Variants in IRF1 observed in about 807,000 individuals in gnomAD.
IRF1 encodes the protein interferon regulatory factor 1, also known as interferon regulatory factor-1.
IRF1 carries 13 observed loss-of-function variants against 43.7 expected under a neutral mutation model. The ratio of observed to expected loss-of-function variants is 0.30; its 90% CI spans 0.19 to 0.47. The LOEUF is 0.47. Ranked by LOEUF, IRF1 falls within the 20% of genes least tolerant of loss-of-function variation. The probability of loss-of-function intolerance (pLI) is 0.99; values close to 1 mark genes in which losing one functional copy is unlikely to be tolerated. For missense variants in IRF1, 236 were observed against 408.9 expected, an observed-to-expected ratio of 0.58 and a Z score of 3.65; for synonymous variants, 138 against 146.8, an observed-to-expected ratio of 0.94 and a Z score of 0.43.
At chr5:132,485,794 T>C in intron 7 of IRF1, 78 bp from the exon 8 acceptor site, 2 of 1,069,352 alleles carry the variant, frequency 1.9e-6, no homozygotes, top group Non-Finnish European at 1.5e-6. Context: ...GCCCACCAGA[T>C]CCCCCTGCCC....
chr5:132,484,382 G>A lies in IRF1; in HGVS notation c.833C>T (p.Pro278Leu). Residue 278 changes from proline (P) to leucine (L), a missense_variant, in exon 9 of 10, where the codon CCA becomes CTA. Coordinates refer to ENST00000245414, the MANE Select transcript of IRF1 (RefSeq NM_002198.3). ...VYGDFSCKEE[P>L]EIDSPGGDIG... The stretch of plus-strand genomic sequence containing the variant: ...CTTACCCCCTGGGCTGTCAATTTCT[G>A]GCTCCTCCTTACAGCTAAAGTCTCC... 1.9e-6 allele frequency: 3 copies of A among 1,614,056 alleles called. No individual in the cohort carries two copies. Among genetic ancestry groups the A allele is most frequent in the Non-Finnish European group, 2.5e-6 (3 of 1,179,988 alleles).
At chr5:132,486,394 C>A (rs1754528176) in intron 6 of IRF1, 21 bp from the exon 7 acceptor site, 1 of 1,610,440 alleles carries the variant, frequency 6.2e-7, no homozygotes, top group Non-Finnish European at 8.5e-7. Flanking sequence ...GCAGAAGCCA[C>A]AGGTCAAGGT....
At chr5:132,485,750 A>C (rs1468725329) in intron 7 of IRF1, 34 bp from the exon 8 acceptor site, 2 of 1,576,476 alleles carry the variant, frequency 1.3e-6, no homozygotes, top group Non-Finnish European at 8.7e-7. Context: ...GTTGGCTGGC[A>C]GTCAGCCACA....
At position 132,486,231 on chromosome 5, in the gene IRF1, C is replaced by G; in HGVS notation, c.667+20G>C. 1.2e-6 allele frequency: 2 copies of G among 1,612,150 alleles called. No individual in the cohort carries two copies. The highest frequency in any genetic ancestry group is 1.7e-6 in the Non-Finnish European group (2 of 1,179,128). Reference sequence around the variant, plus strand: ...GACCCAGACAGTCAAGCAGGCAGGCCAGGCCCCAGGAGCACCAACCTTCAG... The same window carrying G: ...GACCCAGACAGTCAAGCAGGCAGGCGAGGCCCCAGGAGCACCAACCTTCAG... On this transcript the variant is annotated intron_variant, in intron 7 of 9. Transcript: ENST00000245414.
chr5:132,487,655 A>C, intron 3 of IRF1: 1 of 504,110 alleles, frequency 2.0e-6, no homozygotes, highest in Non-Finnish European at 3.6e-6. Context: ...GCTGCTTTTC[A>C]CAGATGCTTT....
intron 8 of IRF1, chr5:132,485,175 G>A (rs1754486339): frequency 6.3e-6 from 1 of 157,848 alleles, no homozygotes; most frequent in Admixed American, 6.1e-5. Context: ...GCCTTCCAAA[G>A]TGCTGGGATT....
intron 5 of IRF1, 40 bp downstream of exon 5, chr5:132,486,755 A>G (rs1754539593): frequency 6.2e-7 from 1 of 1,614,192 alleles, no homozygotes; most frequent in Non-Finnish European, 8.5e-7. Context: ...ACCCTGGCCC[A>G]CAGGTGACCA....
At chr5:132,488,124 G>A (rs541900845) in intron 2 of IRF1, 99 bp from the exon 3 acceptor site, 8 of 884,816 alleles carry the variant, frequency 9.0e-6, no homozygotes, top group African/African-American at 4.9e-5. Context: ...AGACAGGTCT[G>A]AGAAAAGGCT....
intron 3 of IRF1, 80 bp from the exon 4 acceptor site, chr5:132,487,210 C>T (rs1445534330): frequency 7.1e-7 from 1 of 1,415,790 alleles, no homozygotes; most frequent in Non-Finnish European, 9.9e-7. Context: ...AGGAGGAAGG[C>T]AAGGTACCCC....
chr5:132,483,863 C>G lies in IRF1; in HGVS notation c.*88G>C. 6.5e-7 allele frequency: 1 copy of G among 1,529,430 alleles called. No individual in the cohort carries two copies. Among genetic ancestry groups the G allele is most frequent in the South Asian group, 1.2e-5 (1 of 84,502 alleles). 94.7% of individuals were successfully genotyped at this position (1,529,430 alleles called of 1,614,324 possible). ...GGGGTCACACTTGGCTGTTGAGGGG[C>G]CCACAGAAGTCCAGCTTCTCTGCAC... On this transcript the variant is annotated 3_prime_UTR_variant, in exon 10 of 10. Coordinates refer to ENST00000245414, the MANE Select transcript of IRF1 (RefSeq NM_002198.3).
intron 3 of IRF1, 115 bp from the exon 4 acceptor site, chr5:132,487,245 C>T (rs1172680958): frequency 6.8e-6 from 7 of 1,036,828 alleles, no homozygotes; most frequent in African/African-American, 1.6e-5. Flanking sequence ...ACCAGAGAGC[C>T]ACAGTGGTCA....
Position 132,486,899 on chromosome 5 carries a change from C to T in IRF1, c.364+55G>A, listed in dbSNP as rs1580939617. The T allele has an allele frequency of 2.5e-6, 4 of 1,614,068 alleles. No individual in the cohort carries two copies. The East Asian group carries it at 6.7e-5, about 27-fold the overall frequency. On this transcript the variant is annotated intron_variant, in intron 4 of 9. Transcript: ENST00000245414. ...TGCAGGCTCTCCAGCCCCAGCTGAC[C>T]TCCTTCTACCCTCCCTCCCTGAGGG... is the stretch of plus-strand genomic sequence containing the variant.
At chr5:132,485,426 T>C (rs1413621087) in intron 8 of IRF1, 3 of 553,740 alleles carry the variant, frequency 5.4e-6, no homozygotes, top group Non-Finnish European at 9.9e-6. Context: ...CTCACAGAGC[T>C]GTCTGATGCC....
chr5:132,486,536 G>T (rs755886006), intron 6 of IRF1, 21 bp downstream of exon 6: 3 of 1,613,696 alleles, frequency 1.9e-6, no homozygotes, highest in Non-Finnish European at 2.5e-6. Context: ...GGGGTCTCCT[G>T]CCAGACCTGG....
intron 3 of IRF1, 161 bp downstream of exon 3, chr5:132,487,765 T>C: frequency 3.3e-6 from 2 of 603,782 alleles, no homozygotes; most frequent in East Asian, 5.5e-5. Flanking sequence ...TGATCGACTC[T>C]CTTCTCCAGA....
rs369983988 is a variant in IRF1 at position 132,486,850 on chromosome 5, G to A, written c.365-6C>T. ...GCTGGACTTCGACTTTCTTTCTGTG[G>A]GGCAGACGGGCTGTCAGCCTTGGTG... On this transcript the variant is annotated splice_region_variant and splice_polypyrimidine_tract_variant and intron_variant, in intron 4 of 9. Coordinates refer to ENST00000245414, the MANE Select transcript of IRF1 (RefSeq NM_002198.3). 36 of 1,614,152 alleles carry A rather than the reference G, an allele frequency of 2.2e-5. No individual in the cohort carries two copies. The highest frequency in any genetic ancestry group is 2.0e-4 in the African/African-American group (15 of 75,038).
chr5:132,483,104 T>C lies in IRF1; in HGVS notation c.*847A>G, dbSNP rs1048375990. The C allele has an allele frequency of 1.3e-5, 2 of 150,050 alleles. No homozygotes were observed. Among genetic ancestry groups the C allele is most frequent in the Non-Finnish European group, 3.0e-5 (2 of 67,162 alleles). 9.3% of individuals were successfully genotyped at this position (150,050 alleles called of 1,614,324 possible). A position where few individuals can be genotyped will look rare whatever the true frequency, so the allele number is the denominator to read the frequency against. On this transcript the variant is annotated 3_prime_UTR_variant, in exon 10 of 10. Coordinates refer to ENST00000245414, the MANE Select transcript of IRF1 (RefSeq NM_002198.3). ...CCCCTTATAAACAATTTACTTTTTA[T>C]AAAAAGACAAATGTACATATTTACA...
rs1356012667 is a variant in IRF1 at position 132,486,264 on chromosome 5, G to C, written c.654C>G (p.Pro218=). The change falls in exon 7 of 10, where the codon CCC becomes CCG. Residue 218 remains proline (P), a synonymous_variant. Transcript: ENST00000245414. ...DLYNFQVSPM[P]STSEATTDED... ...AGGAGCACCAACCTTCAGAGGTGGAGGGCATGGGTGACACCTGGAAGTTGT... is the reference window on the plus strand; with the variant it reads ...AGGAGCACCAACCTTCAGAGGTGGACGGCATGGGTGACACCTGGAAGTTGT... 1 of 1,613,512 alleles carries C rather than the reference G, an allele frequency of 6.2e-7. No homozygotes were observed.
chr5:132,484,433 G>A lies in IRF1; in HGVS notation c.782C>T (p.Pro261Leu), dbSNP rs753536304. Reference protein sequence around the residue: ...VDGKGYLLNEPGVQPTSVYGD... With the variant: ...VDGKGYLLNELGVQPTSVYGD... The stretch of plus-strand genomic sequence containing the variant: ...ATAGACAGAGGTGGGCTGGACTCCA[G>A]GTTCATTGAGTAGGTACCCCTTCCC... The change falls in exon 9 of 10, where the codon CCT becomes CTT. Residue 261 changes from proline (P) to leucine (L), a missense_variant. Coordinates refer to ENST00000245414, the MANE Select transcript of IRF1 (RefSeq NM_002198.3). The A allele has an allele frequency of 6.2e-7, 1 of 1,614,170 alleles. No homozygotes were observed. Among genetic ancestry groups the A allele is most frequent in the East Asian group, 2.2e-5 (1 of 44,882 alleles).
Sources: allele counts gnomAD v4.1 joint callset, GRCh38; gene constraint gnomAD v4.1.1; transcripts MANE v1.5; gene names NCBI Gene and HGNC (gene_info 2026-07-23, HGNC 2026-07-21).